Variants in MEST observed in about 807,000 individuals in gnomAD.
MEST encodes mesoderm specific transcript, also known as mesoderm-specific transcript homolog protein.
A neutral mutation model predicts 50.9 loss-of-function variants in MEST; 18 were observed. The observed-to-expected ratio is 0.35, with a 90% CI of 0.24 to 0.52. The LOEUF is 0.52. Among genes scored for constraint, MEST ranks in the 20% least tolerant of loss-of-function variants. The pLI is 0.94. For missense variants in MEST, 282 were observed against 425.3 expected (o/e 0.66, Z 2.96); for synonymous variants, 130 against 154.1 (o/e 0.84, Z 1.16).
At chr7:130,502,543 A>T in intron 9 of MEST, 101 bp from the exon 10 acceptor site, 1 of 858,724 alleles carries the variant, frequency 1.2e-6, no homozygotes, top group Non-Finnish European at 1.9e-6. Flanking sequence ...CTTCTGGATT[A>T]AGAAATTGTA....
Position 130,497,873 on chromosome 7 carries a change from T to A in MEST, c.262-63T>A, listed in dbSNP as rs1799123893. ...GATAGGGCTGAAGCTCCTGTGCAAC[T>A]GTAGGTCTGGTGAAAGGGAGGGGCA... On this transcript the variant is annotated intron_variant, in intron 3 of 11. Coordinates refer to ENST00000223215, the MANE Select transcript of MEST (RefSeq NM_002402.4). This position sits in a 1 kb window ranked among gnomAD's most constrained non-coding sequence, Gnocchi z 4.0. The A allele has an allele frequency of 6.8e-7, 1 of 1,472,034 alleles. No homozygotes were observed. Among genetic ancestry groups the A allele is most frequent in the Admixed American group, 1.7e-5 (1 of 59,832 alleles). 91.2% of individuals were successfully genotyped at this position (1,472,034 alleles called of 1,614,324 possible).
At chr7:130,495,581 T>C in intron 2 of MEST, 59 bp downstream of exon 2, 1 of 1,552,504 alleles carries the variant, frequency 6.4e-7, no homozygotes, top group Non-Finnish European at 8.8e-7. Context: ...CCAGCTGAGG[T>C]ATTTATTTTG....
intron 2 of MEST, 122 bp downstream of exon 2, chr7:130,495,644 C>A: frequency 1.9e-6 from 2 of 1,071,732 alleles, no homozygotes; most frequent in East Asian, 2.7e-5. Context: ...ATCTCTCTCT[C>A]TTTCTGTGTA....
Position 130,497,190 on chromosome 7 carries a change from T to C in MEST, c.216T>C (p.Val72=). Residue 72 remains valine, a synonymous_variant, in exon 3 of 12, where the codon GTT becomes GTC. Coordinates refer to ENST00000223215, the MANE Select transcript of MEST (RefSeq NM_002402.4). This position sits in a 1 kb window ranked among gnomAD's most constrained non-coding sequence, Gnocchi z 4.0. ...GTGTGGTTGGAAGTCCAGAGATAGT[T>C]GTGCTTTTACACGGTTTTCCAACAT... ...SVGVVGSPEI[V]VLLHGFPTSS... is the part of the protein sequence containing the mutation. The C allele has an allele frequency of 6.2e-7, 1 of 1,613,426 alleles. No homozygotes were observed. Among genetic ancestry groups the C allele is most frequent in the South Asian group, 1.1e-5 (1 of 90,972 alleles).
rs1331379305 is a variant in MEST, at chr7:130,500,282, T to C, written c.577-180T>C. 1.3e-5 allele frequency among the ~76,000 whole-genome samples: 2 copies of C among 152,328 alleles called. No individual in the cohort carries two copies. Reference sequence around the variant, plus strand: ...GTAGAAAAGTAATCTTAGATGGAATTAGAAATAGATTTGTCTTCCTTGAGA... The same window carrying C: ...GTAGAAAAGTAATCTTAGATGGAATCAGAAATAGATTTGTCTTCCTTGAGA... On this transcript the variant is annotated intron_variant, in intron 7 of 11. Coordinates refer to ENST00000223215, the MANE Select transcript of MEST (RefSeq NM_002402.4). The surrounding 1 kb of genome is among the most constrained non-coding windows in gnomAD (Gnocchi z 5.0).
upstream of MEST, chr7:130,491,102 A>T (rs1026794881): frequency 6.6e-6 from 1 of 152,266 alleles, no homozygotes; most frequent in Admixed American, 6.5e-5. This position sits in a 1 kb window ranked among gnomAD's most constrained non-coding sequence, Gnocchi z 6.8. Context: ...ATTTCAGTTT[A>T]CGGTCAGAAA....
In MEST at chr7:130,498,403, C is replaced by T; in HGVS notation, c.477-16C>T. The T allele has an allele frequency of 6.2e-7, 1 of 1,613,988 alleles. No individual in the cohort carries two copies. Among genetic ancestry groups the T allele is most frequent in the Non-Finnish European group, 8.5e-7 (1 of 1,179,988 alleles). On this transcript the variant is annotated splice_polypyrimidine_tract_variant and intron_variant, in intron 5 of 11. Coordinates refer to ENST00000223215, the MANE Select transcript of MEST (RefSeq NM_002402.4). The stretch of plus-strand genomic sequence containing the variant: ...GTTTGCTCAGCTACATGTGTGTTTC[C>T]TCGTCTCCCTTCTAGGTACAAGCAG...
Position 130,498,197 on chromosome 7 carries a change from A to T in MEST, c.398A>T (p.His133Leu). 1 of 1,614,146 alleles carries T rather than the reference A, an allele frequency of 6.2e-7. No individual in the cohort carries two copies. The highest frequency in any genetic ancestry group is 2.2e-5 in the East Asian group (1 of 44,876). ...AGCATCGTGGAAGCGCTTTTGCGGCATCTGGGGCTCCAGAACCGCAGGATC... is the reference window on the plus strand; with the variant it reads ...AGCATCGTGGAAGCGCTTTTGCGGCTTCTGGGGCTCCAGAACCGCAGGATC... ...QASIVEALLRHLGLQNRRINL... is the reference protein window; with the variant it reads ...QASIVEALLRLLGLQNRRINL... The change falls in exon 5 of 12, where the codon CAT (histidine) becomes CTT (leucine). Residue 133 changes from histidine to leucine, a missense_variant. By Grantham distance (99) the His-to-Leu change is moderately conservative. Coordinates refer to ENST00000223215, the MANE Select transcript of MEST (RefSeq NM_002402.4).
intron 6 of MEST, 103 bp from the exon 7 acceptor site, chr7:130,499,772 G>A (rs782326921): frequency 7.2e-5 from 63 of 878,442 alleles, no homozygotes; most frequent in Non-Finnish European, 1.0e-4. Context: ...TGAGAGGATT[G>A]CTTGAGCTCG....
chr7:130,497,812 A>G lies in MEST; in HGVS notation c.262-124A>G. 1.2e-6 allele frequency: 1 copy of G among 805,936 alleles called. No individual in the cohort carries two copies. The highest frequency in any genetic ancestry group is 1.5e-5 in the South Asian group (1 of 66,654). The allele number at this position is 805,936 out of a possible 1,614,324, so 49.9% of individuals were successfully genotyped here. A position where few individuals can be genotyped will look rare whatever the true frequency, so the allele number is the denominator to read the frequency against. ...CATCTGTGGGACCTGTGGTAGTTTC[A>G]TGGCGTTTTCTCTTTATGGAAGTCT... On this transcript the variant is annotated intron_variant, in intron 3 of 11. Transcript: ENST00000223215. The surrounding 1 kb of genome is among the most constrained non-coding windows in gnomAD (Gnocchi z 4.0).
chr7:130,487,728 C>T (rs1207776454), upstream of MEST: 1 of 152,314 alleles, frequency 6.6e-6, no homozygotes, highest in African/African-American at 2.4e-5. Flanking sequence ...CTCACTGCAA[C>T]TTCTGCCTCC....
chr7:130,499,232 T>G (rs1799186738), intron 6 of MEST, among the ~76,000 whole-genome samples: 1 of 152,200 alleles, frequency 6.6e-6, no homozygotes, highest in South Asian at 2.1e-4. Flanking sequence ...TTCATGAATA[T>G]CCAAATGTCT....
chr7:130,501,071 CTCTT>C, intron 9 of MEST, 181 bp downstream of exon 9: 1 of 535,068 alleles, frequency 1.9e-6, no homozygotes, highest in Non-Finnish European at 3.3e-6. Context: ...TGAAACTGGA[CTCTT>C]TGTTAGTATT....
At chr7:130,490,447 C>T (rs1431154045), upstream of MEST, among the ~76,000 whole-genome samples, 1 of 152,206 alleles carries the variant, frequency 6.6e-6, no homozygotes, top group Non-Finnish European at 1.5e-5. Context: ...GACCACCCTT[C>T]GCCCCTCCCC....
chr7:130,504,543 T>C (rs370778383), intron 11 of MEST, among the ~76,000 whole-genome samples: 1 of 152,284 alleles, frequency 6.6e-6, no homozygotes, highest in African/African-American at 2.4e-5. Context: ...GCATATAATT[T>C]TAAATAAAAT....
Position 130,492,332 on chromosome 7 carries a change from C to G in MEST, c.19C>G (p.Leu7Val), listed in dbSNP as rs1554435555. The change falls in exon 1 of 12, where the codon CTC becomes GTC. Residue 7 changes from leucine (L) to valine (V), a missense_variant. Physicochemically the swap from Leu to Val is conservative, Grantham distance 32 (BLOSUM62 1). Transcript: ENST00000223215. This position sits in a 1 kb window ranked among gnomAD's most constrained non-coding sequence, Gnocchi z 7.6. ...CGCGGCCATGGTGCGCCGAGATCGC[C>G]TCCGCAGGTGAGTGTGCGGTGGGAA... MVRRDRLRRMREWWVQV... is the reference protein window; with the variant it reads MVRRDRVRRMREWWVQV... 2.2e-6 allele frequency: 3 copies of G among 1,339,038 alleles called. No individual in the cohort carries two copies. The highest frequency in any genetic ancestry group is 2.9e-6 in the Non-Finnish European group (3 of 1,043,636). The allele number at this position is 1,339,038 out of a possible 1,614,324, so 82.9% of individuals were successfully genotyped here.
intron 9 of MEST, 87 bp from the exon 10 acceptor site, chr7:130,502,555 CTT>C: frequency 1.1e-6 from 1 of 934,236 alleles, no homozygotes; most frequent in South Asian, 1.4e-5. Context: ...GAAATTGTAT[CTT>C]GTGTTCCTTG....
chr7:130,494,076 G>A (rs567199470), intron 1 of MEST, among the ~76,000 whole-genome samples: 1 of 152,312 alleles, frequency 6.6e-6, no homozygotes, highest in African/African-American at 2.4e-5. Context: ...CTGGGGAGCT[G>A]ACATTGTTTA....
upstream of MEST, chr7:130,491,556 T>A (rs553258132): frequency 1.3e-5 from 2 of 152,452 alleles, no homozygotes; most frequent in African/African-American, 4.8e-5. This position sits in a 1 kb window ranked among gnomAD's most constrained non-coding sequence, Gnocchi z 6.8. Flanking sequence ...GTAGTTAAGC[T>A]TAGGGCGCAT....
Sources: allele counts gnomAD v4.1 joint callset (sites outside exome capture counted in the v4.1 genomes callset), GRCh38; gene constraint gnomAD v4.1.1; non-coding constraint Gnocchi (gnomAD v3.1); transcripts MANE v1.5; gene names NCBI Gene and HGNC (gene_info 2026-07-23, HGNC 2026-07-21).